The following HMGN3 variants were observed in gnomAD, a reference collection of about 807,000 sequenced individuals.
The protein encoded by HMGN3 is high mobility group nucleosome-binding domain-containing protein 3.
Under a neutral mutation model 18.8 loss-of-function variants are expected in HMGN3, and 6 were observed. That is an observed-to-expected ratio of 0.32 (90% confidence interval 0.18 to 0.63). The LOEUF (loss-of-function observed/expected upper bound fraction) is 0.63, where lower values mean the gene tolerates loss of function less well. Among genes scored for constraint, HMGN3 ranks in the 30% least tolerant of loss-of-function variants. HMGN3 has a pLI of 0.79. For missense variants in HMGN3, 107 were observed against 114.2 expected, an observed-to-expected ratio of 0.94 and a Z score of 0.29; for synonymous variants, 40 against 36.5, an observed-to-expected ratio of 1.10 and a Z score of -0.35.
chr6:79,213,771 T>C lies in HMGN3; in HGVS notation c.66+1201A>G, dbSNP rs144337781. 2.0e-3 allele frequency among the ~76,000 whole-genome samples: 309 copies of C among 152,354 alleles called. 9 individuals are homozygous for C. The East Asian group carries it at 0.05, about 25-fold the overall frequency. ...AGAATGAATTTCCTTGTACAAATCT[T>C]GTGCAGGGGTTTTGGTATCACGATA... On this transcript the variant is annotated intron_variant, in intron 2 of 5. Transcript: ENST00000344726.
intron 1 of HMGN3, among the ~76,000 whole-genome samples, chr6:79,223,128 C>A (rs1295100035): frequency 1.3e-5 from 2 of 152,154 alleles, no homozygotes; most frequent in African/African-American, 4.8e-5. Context: ...TCTGTAATCG[C>A]AGCACTTTGG....
intron 1 of HMGN3, among the ~76,000 whole-genome samples, chr6:79,232,622 G>A (rs905617652): frequency 7.5e-5 from 11 of 146,768 alleles, no homozygotes; most frequent in Admixed American, 2.1e-4. Flanking sequence ...TTTTCCTTCC[G>A]TCTCCTTGAG....
At chr6:79,221,722 G>C (rs1476766920) in intron 1 of HMGN3, among the ~76,000 whole-genome samples, 1 of 152,196 alleles carries the variant, frequency 6.6e-6, no homozygotes, top group East Asian at 1.9e-4. Flanking sequence ...GGCTTTGTTA[G>C]TGTGGAGAAG....
intron 1 of HMGN3, among the ~76,000 whole-genome samples, chr6:79,220,299 A>G (rs1777207888): frequency 6.6e-6 from 1 of 152,250 alleles, no homozygotes; most frequent in Non-Finnish European, 1.5e-5. Flanking sequence ...AGTAAAAAAC[A>G]AAGGAAAACA....
intron 4 of HMGN3, among the ~76,000 whole-genome samples, chr6:79,202,604 A>T (rs1186400353): frequency 6.6e-6 from 1 of 152,170 alleles, no homozygotes; most frequent in Non-Finnish European, 1.5e-5. Context: ...GGTTGCACAG[A>T]AAGTCCAGTG....
intron 1 of HMGN3, among the ~76,000 whole-genome samples, chr6:79,218,307 A>C (rs955173841): frequency 6.6e-6 from 1 of 152,234 alleles, no homozygotes; most frequent in Admixed American, 6.5e-5. Flanking sequence ...CTTATACAAC[A>C]ATATGATACT....
chr6:79,233,869 C>G (rs1473398422), intron 1 of HMGN3: 2 of 152,434 alleles, frequency 1.3e-5, no homozygotes, highest in Non-Finnish European at 2.9e-5. Context: ...ATATTGGACG[C>G]CCCGGCGCCG....
rs1418197099 is a variant in HMGN3 at position 79,201,733 on chromosome 6, A to G, written c.262-7T>C. ...CAGATTCAGTTTTCTGTGCCTGTGA[A>G]AAAGAAAGGAAAAAAAAACATATAG... On this transcript the variant is annotated splice_polypyrimidine_tract_variant and splice_region_variant and intron_variant, in intron 5 of 5. Coordinates refer to ENST00000344726, the Ensembl canonical transcript of HMGN3. The G allele has an allele frequency of 5.0e-6, 8 of 1,604,996 alleles. No individual in the cohort carries two copies. The highest frequency in any genetic ancestry group is 6.8e-6 in the Non-Finnish European group (8 of 1,175,664).
At chr6:79,204,865 A>G (rs1222967387) in intron 3 of HMGN3, among the ~76,000 whole-genome samples, 1 of 152,236 alleles carries the variant, frequency 6.6e-6, no homozygotes, top group Admixed American at 6.5e-5. Context: ...AGCAGCTTTC[A>G]TGGCTCTTAC....
chr6:79,217,484 T>A (rs145997618), intron 1 of HMGN3, among the ~76,000 whole-genome samples: 17 of 152,290 alleles, frequency 1.1e-4, no homozygotes, highest in African/African-American at 4.1e-4. Flanking sequence ...GGAGAAAGCA[T>A]TTCATAAACT....
intron 1 of HMGN3, among the ~76,000 whole-genome samples, chr6:79,222,639 G>C (rs1341041790): frequency 6.6e-6 from 1 of 152,068 alleles, no homozygotes; most frequent in East Asian, 1.9e-4. Flanking sequence ...TGTATGTCTG[G>C]GATCCTCTAT....
At chr6:79,203,470 G>T in intron 4 of HMGN3, 110 bp downstream of exon 4, 1 of 936,780 alleles carries the variant, frequency 1.1e-6, no homozygotes, top group Non-Finnish European at 1.7e-6. Context: ...CAGTGGTAAT[G>T]GTTTCAGTTT....
chr6:79,208,402 T>G (rs937661714), intron 3 of HMGN3, 145 bp downstream of exon 3: 9 of 718,410 alleles, frequency 1.3e-5, no homozygotes, highest in African/African-American at 1.2e-4. Context: ...TGGTCAAATT[T>G]GCTAGACATG....
rs553213421 is a variant in HMGN3, at chr6:79,207,691, C to A, written c.96+856G>T. On this transcript the variant is annotated intron_variant, in intron 3 of 5. Coordinates refer to ENST00000344726, the Ensembl canonical transcript of HMGN3. ...TGAACTTGTGAGTGGTCCTAATACC[C>A]ATTTTTGCTTTGATTCCTTATATTG... Among the ~76,000 whole-genome samples, 8 of 152,288 alleles carry A rather than the reference C, an allele frequency of 5.3e-5. No homozygotes were observed. In the South Asian group the frequency reaches 1.7e-3, roughly 32 times the overall value.
In HMGN3 at chr6:79,208,199, G is replaced by C. The variant is rs896334183; in HGVS notation, c.96+348C>G. Among the ~76,000 whole-genome samples the C allele has an allele frequency of 2.6e-5, 4 of 152,220 alleles. No homozygotes were observed. In the South Asian group the frequency reaches 8.3e-4, roughly 32 times the overall value. ...ATACATACATTCTAAAGTATGAGTT[G>C]TGGACAGAGAATCAGAATTCTGTCC... is the stretch of plus-strand genomic sequence containing the variant. On this transcript the variant is annotated intron_variant, in intron 3 of 5. Transcript: ENST00000344726.
chr6:79,211,788 T>C (rs941096080), intron 2 of HMGN3, among the ~76,000 whole-genome samples: 1 of 152,156 alleles, frequency 6.6e-6, no homozygotes. Context: ...TGGTGAAGCC[T>C]ATTCTGAAAG....
chr6:79,229,220 CTT>C (rs1267867449), intron 1 of HMGN3, among the ~76,000 whole-genome samples: 2 of 152,060 alleles, frequency 1.3e-5, no homozygotes, highest in African/African-American at 2.4e-5. Context: ...AAATTAAAAA[CTT>C]TTGTTCTTCA....
At chr6:79,223,206 C>T (rs1777390285) in intron 1 of HMGN3, among the ~76,000 whole-genome samples, 1 of 152,062 alleles carries the variant, frequency 6.6e-6, no homozygotes, top group Admixed American at 6.6e-5. Context: ...TGGCAAAATC[C>T]GTCTCTACTA....
At chr6:79,214,735 T>A (rs1161194976) in intron 2 of HMGN3, among the ~76,000 whole-genome samples, 1 of 152,096 alleles carries the variant, frequency 6.6e-6, no homozygotes, top group East Asian at 1.9e-4. Context: ...GGTAGAAACA[T>A]AAACAACACA....
Sources: allele counts gnomAD v4.1 joint callset (sites outside exome capture counted in the v4.1 genomes callset), GRCh38; gene constraint gnomAD v4.1.1; transcripts MANE v1.5; gene names NCBI Gene and HGNC (gene_info 2026-07-23, HGNC 2026-07-21).